The following FAM184B variants were observed in gnomAD, a reference collection of about 807,000 sequenced individuals.
The protein encoded by FAM184B is family with sequence similarity 184 member B, also known as protein FAM184B.
FAM184B carries 111 observed loss-of-function variants against 135.9 expected under a neutral mutation model. That is an observed-to-expected ratio of 0.82 (90% CI 0.70 to 0.96). The LOEUF (loss-of-function observed/expected upper bound fraction) is 0.96, where lower values mean the gene tolerates loss of function less well. Among genes scored for constraint, FAM184B ranks in the 40% least tolerant of loss-of-function variants. The pLI is 0.00. For missense variants in FAM184B, 1,375 were observed against 1,323.9 expected (o/e 1.04, Z -0.60); for synonymous variants, 552 against 524.8 (o/e 1.05, Z -0.71).
intron 11 of FAM184B, among the ~76,000 whole-genome samples, chr4:17,649,753 A>G (rs1016009784): frequency 7.2e-5 from 11 of 151,986 alleles, no homozygotes; most frequent in Admixed American, 2.0e-4. Context: ...ATTATAGGGT[A>G]TTCATTCTTT....
rs548288977 is a variant in FAM184B at position 17,701,846 on chromosome 4, C to G, written c.1377+3154G>C. 1.2e-4 allele frequency among the ~76,000 whole-genome samples: 19 copies of G among 152,318 alleles called. No homozygotes were observed. The South Asian group carries it at 3.5e-3, about 28-fold the overall frequency. ...TGTGTGATTTCTCAGACACTATGCT[C>G]AGACCTGTGCTGGCCAGTAGGGTAG... is the stretch of plus-strand genomic sequence containing the variant. On this transcript the variant is annotated intron_variant, in intron 5 of 17. Transcript: ENST00000265018.
chr4:17,639,067 CAA>C (rs1234137498), intron 14 of FAM184B, among the ~76,000 whole-genome samples, 181 bp downstream of exon 14: 1 of 152,204 alleles, frequency 6.6e-6, no homozygotes, highest in African/African-American at 2.4e-5. Context: ...CTCCTGAGCT[CAA>C]GTGATCCACC....
chr4:17,659,556 G>A (rs1160931306), intron 9 of FAM184B, among the ~76,000 whole-genome samples: 18 of 151,580 alleles, frequency 1.2e-4, no homozygotes, highest in East Asian at 3.9e-4. Context: ...GTGCGATCTC[G>A]GCTCACTATA....
chr4:17,629,848 A>G lies in FAM184B; in HGVS notation c.*2684T>C, dbSNP rs559081692. On this transcript the variant is annotated 3_prime_UTR_variant, in exon 18 of 18. Transcript: ENST00000265018. ...ACAGTAGGTTCATTTACTGCTGGTA[A>G]GGGTGTAAATTGTTAGAAACTTTCT... 6.6e-6 allele frequency: 1 copy of G among 152,316 alleles called. No individual in the cohort carries two copies. The highest frequency in any genetic ancestry group is 1.5e-5 in the Non-Finnish European group (1 of 68,024). The allele number at this position is 152,316 out of a possible 1,614,324, so 9.4% of individuals were successfully genotyped here.
intron 13 of FAM184B, among the ~76,000 whole-genome samples, chr4:17,641,294 C>T (rs1715302638): frequency 6.6e-6 from 1 of 151,838 alleles, no homozygotes; most frequent in Non-Finnish European, 1.5e-5. Context: ...AGCTAACTCA[C>T]CCAACCTCAC....
intron 5 of FAM184B, among the ~76,000 whole-genome samples, chr4:17,702,379 C>T (rs1326988732): frequency 6.6e-6 from 1 of 152,140 alleles, no homozygotes; most frequent in Non-Finnish European, 1.5e-5. Flanking sequence ...TGCTGTCCAT[C>T]AAGATTCGGT....
intron 1 of FAM184B, among the ~76,000 whole-genome samples, chr4:17,767,999 G>T (rs1010236454): frequency 1.3e-5 from 2 of 152,068 alleles, no homozygotes; most frequent in Non-Finnish European, 2.9e-5. Context: ...TAACACAAAG[G>T]CTACTCTAGA....
rs538598271 is a variant in FAM184B, at chr4:17,705,145, C to T, written c.1232G>A (p.Arg411His). 9.7e-6 allele frequency: 15 copies of T among 1,551,774 alleles called. No homozygotes were observed. Among genetic ancestry groups the T allele is most frequent in the African/African-American group, 6.8e-5 (5 of 73,146 alleles). Residue 411 changes from arginine to histidine, a missense_variant, in exon 5 of 18, where the codon CGT becomes CAT. Physicochemically the swap from Arg to His is conservative, Grantham distance 29 (BLOSUM62 0). Transcript: ENST00000265018. ...CTCTTCTGTCTGATGTTTGATTTTA[C>T]GAAGGTCTTCTTCATATTGTTGCTT... The part of the protein sequence containing the change: ...YMKQQYEEDL[R>H]KIKHQTEEEK...
At chr4:17,654,815 C>T (rs546639801) in intron 10 of FAM184B, among the ~76,000 whole-genome samples, 2 of 152,340 alleles carry the variant, frequency 1.3e-5, no homozygotes, top group South Asian at 2.1e-4. Context: ...GGTCTCACTC[C>T]TCCCAGGGGA....
At chr4:17,632,702 G>T in intron 17 of FAM184B, 77 bp from the exon 18 acceptor site, 1 of 970,422 alleles carries the variant, frequency 1.0e-6, no homozygotes, top group Non-Finnish European at 1.6e-6. Flanking sequence ...CATCTTTTCA[G>T]GGAAAGATAA....
At chr4:17,688,597 A>T (rs1319676060) in intron 6 of FAM184B, 66 bp from the exon 7 acceptor site, 1 of 1,209,042 alleles carries the variant, frequency 8.3e-7, no homozygotes, top group African/African-American at 1.6e-5. Context: ...ACAGTCATTC[A>T]TCCGGGAATC....
intron 6 of FAM184B, 58 bp from the exon 7 acceptor site, chr4:17,688,589 A>G (rs1716647073): frequency 7.7e-7 from 1 of 1,293,454 alleles, no homozygotes; most frequent in African/African-American, 1.5e-5. Context: ...TCCTCGATAC[A>G]GTCATTCATC....
chr4:17,642,616 G>T (rs1715354312), intron 12 of FAM184B, among the ~76,000 whole-genome samples: 1 of 152,162 alleles, frequency 6.6e-6, no homozygotes, highest in Non-Finnish European at 1.5e-5. Flanking sequence ...CCTCTCAGGG[G>T]GAACTGATAA....
intron 7 of FAM184B, among the ~76,000 whole-genome samples, chr4:17,674,209 C>A (rs1178647063): frequency 6.6e-6 from 1 of 152,042 alleles, no homozygotes; most frequent in Non-Finnish European, 1.5e-5. Context: ...TTAATAATTA[C>A]AAGCATACCT....
At chr4:17,707,298 G>A (rs991031312) in intron 3 of FAM184B, among the ~76,000 whole-genome samples, 1 of 152,158 alleles carries the variant, frequency 6.6e-6, no homozygotes, top group Non-Finnish European at 1.5e-5. Flanking sequence ...GCATAATTGT[G>A]TTAAATGATG....
At chr4:17,641,932 G>C in intron 13 of FAM184B, 124 bp downstream of exon 13, 1 of 1,362,848 alleles carries the variant, frequency 7.3e-7, no homozygotes, top group Non-Finnish European at 9.6e-7. Flanking sequence ...GTGTCTTGTG[G>C]GGCAGGATGC....
intron 5 of FAM184B, among the ~76,000 whole-genome samples, chr4:17,702,531 T>C (rs1391041796): frequency 1.3e-5 from 2 of 152,192 alleles, no homozygotes; most frequent in African/African-American, 2.4e-5. Context: ...AAAGAAATAG[T>C]GCACTCCTAA....
At chr4:17,699,876 A>G (rs6837597) in intron 5 of FAM184B, among the ~76,000 whole-genome samples, 144,292 of 152,200 alleles carry the variant, frequency 0.95, 68,846 homozygotes, top group Non-Finnish European at 1. Flanking sequence ...GATTTACAGC[A>G]CGTGTAAAAT....
intron 5 of FAM184B, among the ~76,000 whole-genome samples, chr4:17,697,878 T>C (rs1716901364): frequency 6.6e-6 from 1 of 152,210 alleles, no homozygotes; most frequent in African/African-American, 2.4e-5. Flanking sequence ...CTCCCTCAGA[T>C]GGAAATAATC....
Sources: gnomAD v4.1 joint callset for allele counts (sites outside exome capture counted in the v4.1 genomes callset) on GRCh38, gnomAD v4.1.1 for gene constraint, MANE v1.5 for transcripts, NCBI Gene and HGNC (gene_info 2026-07-23, HGNC 2026-07-21) for gene names.